UBR2: variants seen among roughly 807,000 people sequenced by gnomAD.
UBR2 encodes the protein ubiquitin protein ligase E3 component n-recognin 2.
UBR2 carries 92 observed loss-of-function variants against 247.9 expected under a neutral mutation model. The observed-to-expected ratio is 0.37, with a 90% CI of 0.31 to 0.44. The LOEUF (loss-of-function observed/expected upper bound fraction) is 0.44, where lower values mean the gene tolerates loss of function less well. UBR2 is among the 20% of genes least tolerant of loss of function. UBR2 has a pLI of 1.00. For missense variants in UBR2, 1,613 were observed against 2,112.6 expected (o/e 0.76, Z 4.64); for synonymous variants, 672 against 693.5 (o/e 0.97, Z 0.49).
intron 9 of UBR2, 49 bp from the exon 10 acceptor site, chr6:42,615,953 G>A (rs2151939498): frequency 2.3e-6 from 3 of 1,330,734 alleles, no homozygotes; most frequent in Non-Finnish European, 3.1e-6. Flanking sequence ...CTTGAGAAAT[G>A]TAATTGTTGG....
intron 2 of UBR2, among the ~76,000 whole-genome samples, chr6:42,575,076 A>G (rs778200985): frequency 6.6e-6 from 1 of 152,214 alleles, no homozygotes. Context: ...ACAGATGGGA[A>G]TATGTTACAT....
In UBR2 at chr6:42,691,197, A is replaced by G; in HGVS notation, c.*24A>G. The G allele has an allele frequency of 6.2e-7, 1 of 1,606,364 alleles. No homozygotes were observed. Among genetic ancestry groups the G allele is most frequent in the Non-Finnish European group, 8.5e-7 (1 of 1,178,348 alleles). ...AATTATTGCACCACCAAAAAACACA[A>G]ACTTGGATTTTTTTAACCCAGTTGG... On this transcript the variant is annotated 3_prime_UTR_variant, in exon 47 of 47. Transcript: ENST00000372901.
intron 1 of UBR2, among the ~76,000 whole-genome samples, chr6:42,571,746 A>G (rs1156506633): frequency 6.6e-6 from 1 of 151,730 alleles, no homozygotes; most frequent in Non-Finnish European, 1.5e-5. Context: ...CAAAAAAAAA[A>G]AAAAAAAAAA....
At chr6:42,619,449 A>ATTTTTTT (rs1422611425) in intron 11 of UBR2, 1 of 29,104 alleles carries the variant, frequency 3.4e-5, no homozygotes, top group Non-Finnish European at 6.7e-5. Context: ...ATATATATAT[A>ATTTTTTT]TATATTTTTT....
intron 7 of UBR2, 146 bp from the exon 8 acceptor site, chr6:42,612,025 C>A: frequency 1.6e-6 from 1 of 611,804 alleles, no homozygotes; most frequent in Non-Finnish European, 2.4e-6. Flanking sequence ...TCAAGTAAGG[C>A]AAGGAGAATG....
chr6:42,658,782 CA>C lies in UBR2; in HGVS notation c.3201del (p.Leu1068Ter). 1 of 1,592,954 alleles carries C rather than the reference CA, an allele frequency of 6.3e-7. No homozygotes were observed. The highest frequency in any genetic ancestry group is 8.5e-7 in the Non-Finnish European group (1 of 1,172,650). On this transcript the variant is annotated frameshift_variant, in exon 29 of 47. Transcript: ENST00000372901. LOFTEE classifies it high-confidence loss of function. ...IDENKELFQQ[T>X]LELDASTSAV... ...GAAAACAAAGAACTCTTTCAGCAGA[CA>C]TTAGAACTGGATGCCTCAACCTCTG...
At chr6:42,585,709 G>A (rs1223433440) in intron 2 of UBR2, among the ~76,000 whole-genome samples, 2 of 152,012 alleles carry the variant, frequency 1.3e-5, no homozygotes, top group East Asian at 3.8e-4. Flanking sequence ...ATGTCAAATT[G>A]ACATAAAATT....
At position 42,632,576 on chromosome 6, in the gene UBR2, A is replaced by T. The variant is rs1480595652; in HGVS notation, c.1306A>T (p.Asn436Tyr). Residue 436 changes from asparagine to tyrosine, a missense_variant, in exon 12 of 47, where the codon AAC (asparagine) becomes TAC (tyrosine). By Grantham distance (143) the Asn-to-Tyr change is moderately radical. This residue lies in a region of UBR2 where 1,524 missense variants were observed against 1,967.3 expected (regional missense o/e 0.77). Transcript: ENST00000372901. Reference protein sequence around the residue: ...SLARMLITEENLMSIIIKTFM... With the variant: ...SLARMLITEEYLMSIIIKTFM... The stretch of plus-strand genomic sequence containing the variant: ...GGCTCGAATGCTCATCACAGAAGAA[A>T]ACTTAATGAGCATTATCATTAAGAC... The T allele has an allele frequency of 6.2e-7, 1 of 1,608,534 alleles. No individual in the cohort carries two copies. The highest frequency in any genetic ancestry group is 8.5e-7 in the Non-Finnish European group (1 of 1,178,366).
At chr6:42,673,752 G>A (rs781300438) in intron 36 of UBR2, 39 bp from the exon 37 acceptor site, 2 of 1,490,404 alleles carry the variant, frequency 1.3e-6, no homozygotes, top group Admixed American at 3.4e-5. Context: ...GAACTGCTTT[G>A]CATTTTTGTT....
chr6:42,625,997 G>T (rs1582575813), intron 11 of UBR2, among the ~76,000 whole-genome samples: 1 of 151,532 alleles, frequency 6.6e-6, no homozygotes, highest in Non-Finnish European at 1.5e-5. Context: ...TGTATTTTTA[G>T]TAGAGCCGGG....
At chr6:42,595,120 A>T (rs1396102012) in intron 4 of UBR2, among the ~76,000 whole-genome samples, 1 of 152,208 alleles carries the variant, frequency 6.6e-6, no homozygotes, top group African/African-American at 2.4e-5. Flanking sequence ...GGTAATTAAC[A>T]TATCCATCAC....
chr6:42,638,678 A>C (rs758673752), intron 15 of UBR2, among the ~76,000 whole-genome samples: 12 of 152,188 alleles, frequency 7.9e-5, no homozygotes. Flanking sequence ...AGTATTGGAC[A>C]GAAGGCAAGA....
chr6:42,634,580 G>C (rs557106050), intron 13 of UBR2, among the ~76,000 whole-genome samples: 1 of 152,098 alleles, frequency 6.6e-6, no homozygotes, highest in East Asian at 1.9e-4. Flanking sequence ...TCAGCCTCCC[G>C]AGTAGCTGGG....
chr6:42,672,072 G>A (rs889188436), intron 36 of UBR2, among the ~76,000 whole-genome samples: 1 of 151,296 alleles, frequency 6.6e-6, no homozygotes, highest in African/African-American at 2.4e-5. Flanking sequence ...TCACTCTGTT[G>A]CTCAGACTGG....
Position 42,642,522 on chromosome 6 carries a change from T to C in UBR2, c.2097+41T>C, listed in dbSNP as rs778248622. 3 of 1,499,780 alleles carry C rather than the reference T, an allele frequency of 2.0e-6. No homozygotes were observed. The African/African-American group carries it at 4.2e-5, about 21-fold the overall frequency. 92.9% of individuals were successfully genotyped at this position (1,499,780 alleles called of 1,614,324 possible). On this transcript the variant is annotated intron_variant, in intron 18 of 46. Transcript: ENST00000372901. ...CATTGAACTTAAAGGTTGTGGGGAA[T>C]CTTTGCTTCTTGTTATTTCCATAGA... is the stretch of plus-strand genomic sequence containing the variant.
intron 2 of UBR2, among the ~76,000 whole-genome samples, chr6:42,589,106 C>T (rs1463724730): frequency 6.6e-6 from 1 of 152,116 alleles, no homozygotes; most frequent in African/African-American, 2.4e-5. Context: ...ATAGCTGGTA[C>T]TACAGGCACA....
At chr6:42,607,520 G>A (rs1020817461) in intron 7 of UBR2, among the ~76,000 whole-genome samples, 1 of 150,992 alleles carries the variant, frequency 6.6e-6, no homozygotes, top group African/African-American at 2.4e-5. Context: ...TTATCATTTT[G>A]TTGTTGTTGT....
chr6:42,602,855 AAAT>A (rs1793476395), intron 4 of UBR2, among the ~76,000 whole-genome samples: 2 of 152,008 alleles, frequency 1.3e-5, no homozygotes, highest in Admixed American at 1.3e-4. Context: ...TGAGAAATGA[AAAT>A]AATGCTACTT....
intron 2 of UBR2, among the ~76,000 whole-genome samples, chr6:42,575,276 A>G (rs1321094607): frequency 6.6e-6 from 1 of 152,224 alleles, no homozygotes; most frequent in Non-Finnish European, 1.5e-5. Flanking sequence ...CTGGTTATCT[A>G]TGGTAGTTTT....
Sources: allele counts gnomAD v4.1 joint callset (sites outside exome capture counted in the v4.1 genomes callset), GRCh38; gene constraint gnomAD v4.1.1; regional missense constraint gnomAD v4.1.1; transcripts MANE v1.5; gene names NCBI Gene and HGNC (gene_info 2026-07-23, HGNC 2026-07-21).